The following HOXB6 variants were observed in gnomAD, a reference collection of about 807,000 sequenced individuals.
HOXB6 encodes the protein homeobox protein Hox-B6.
A neutral mutation model predicts 24.2 loss-of-function variants in HOXB6; 18 were observed. That is an observed-to-expected ratio of 0.74 (90% CI 0.51 to 1.10). The LOEUF (loss-of-function observed/expected upper bound fraction) is 1.10. Among genes scored for constraint, HOXB6 ranks in the 50% least tolerant of loss-of-function variants. The pLI is 0.00. For synonymous variants in HOXB6, 159 were observed against 139.1 expected, an observed-to-expected ratio of 1.14 and a Z score of -1.01; for missense variants, 332 against 308.3, an observed-to-expected ratio of 1.08 and a Z score of -0.58.
At position 48,604,865 on chromosome 17, in the gene HOXB6, CCT is replaced by C. The variant is rs1051988028; in HGVS notation, c.-220_-219del. 6.6e-6 allele frequency: 1 copy of C among 152,346 alleles called. No homozygotes were observed. The highest frequency in any genetic ancestry group is 2.4e-5 in the African/African-American group (1 of 41,384). 9.4% of individuals were successfully genotyped at this position (152,346 alleles called of 1,614,324 possible). On this transcript the variant is annotated 5_prime_UTR_variant, in exon 1 of 4. Coordinates refer to ENST00000225648, the MANE Select transcript of HOXB6 (RefSeq NM_018952.5). The stretch of plus-strand genomic sequence containing the variant: ...GCTCTCTCTCTTTTCTCCTCACCCC[CCT>C]CTCTCGTCCTCTCTCTCTTTTGCTC...
chr17:48,595,997 T>C lies in HOXB6; in HGVS notation c.*416A>G. The C allele has an allele frequency of 2.2e-6, 1 of 460,862 alleles. No individual in the cohort carries two copies. The highest frequency in any genetic ancestry group is 4.3e-6 in the Non-Finnish European group (1 of 230,228). 28.5% of individuals were successfully genotyped at this position (460,862 alleles called of 1,614,324 possible). A position where few individuals can be genotyped will look rare whatever the true frequency, so the allele number is the denominator to read the frequency against. On this transcript the variant is annotated 3_prime_UTR_variant, in exon 4 of 4. Transcript: ENST00000225648. ...GGTGGGAGAGACGACAGGTCTGGGA[T>C]CAGGGAGTCTTCAAGGCCCCCGCTG... is the stretch of plus-strand genomic sequence containing the variant.
At chr17:48,601,216 G>C (rs1237826693) in intron 2 of HOXB6, among the ~76,000 whole-genome samples, 7 of 152,014 alleles carry the variant, frequency 4.6e-5, no homozygotes, top group Admixed American at 1.3e-4. Flanking sequence ...TCTGGGTTTG[G>C]GGAACATAAA....
intron 2 of HOXB6, chr17:48,602,523 G>A: frequency 4.1e-6 from 1 of 242,368 alleles, no homozygotes; most frequent in South Asian, 4.8e-5. Flanking sequence ...CGCCAGGTTT[G>A]GGGCTAGGAT....
chr17:48,596,767 G>A lies in HOXB6; in HGVS notation c.416-95C>T. 1.3e-6 allele frequency: 2 copies of A among 1,556,298 alleles called. No individual in the cohort carries two copies. The highest frequency in any genetic ancestry group is 1.4e-5 in the African/African-American group (1 of 73,984). On this transcript the variant is annotated intron_variant, in intron 3 of 3. Coordinates refer to ENST00000225648, the MANE Select transcript of HOXB6 (RefSeq NM_018952.5). The surrounding 1 kb of genome is among the most constrained non-coding windows in gnomAD (Gnocchi z 4.8). ...TCGAACACAGACTCCAGCCAGTACC[G>A]GGATGCCCTCTATTCTGCCGGCTCC... is the stretch of plus-strand genomic sequence containing the variant.
Position 48,596,659 on chromosome 17 carries a change from C to T in HOXB6, c.429G>A (p.Gly143=). 1 of 1,613,212 alleles carries T rather than the reference C, an allele frequency of 6.2e-7. No individual in the cohort carries two copies. Among genetic ancestry groups the T allele is most frequent in the Non-Finnish European group, 8.5e-7 (1 of 1,180,026 alleles). The change falls in exon 4 of 4, where the codon GGG becomes GGA. Residue 143 remains glycine, a synonymous_variant. Transcript: ENST00000225648. The surrounding 1 kb of genome is among the most constrained non-coding windows in gnomAD (Gnocchi z 4.8). ...RMNSCNSSSF[G]PSGRRGRQTY... is the part of the protein sequence containing the mutation. ...TCTGGCGGCCTCGCCGGCCGCTGGGCCCAAAGGAGGAACCTGTTACGCAGA... is the reference window on the plus strand; with the variant it reads ...TCTGGCGGCCTCGCCGGCCGCTGGGTCCAAAGGAGGAACCTGTTACGCAGA...
rs9221 is a variant in HOXB6 at position 48,598,451 on chromosome 17, C to T, written c.-78-223G>A. ...TTCTCCTTCGCCTTTCTCCTCTCTC[C>T]CCCCAACAACACAACGCGTCCTGTT... On this transcript the variant is annotated intron_variant, in intron 2 of 3. Coordinates refer to ENST00000225648, the MANE Select transcript of HOXB6 (RefSeq NM_018952.5). Among the ~76,000 whole-genome samples the T allele has an allele frequency of 0.87, 131,590 of 151,438 alleles. 57,480 individuals are homozygous for T. The highest frequency in any genetic ancestry group is 0.91 in the Non-Finnish European group (61,919 of 67,854).
In HOXB6 at chr17:48,596,710, C is replaced by G; in HGVS notation, c.416-38G>C. The G allele has an allele frequency of 1.2e-6, 2 of 1,605,948 alleles. No homozygotes were observed. The highest frequency in any genetic ancestry group is 2.2e-5 in the South Asian group (2 of 91,038). On this transcript the variant is annotated intron_variant, in intron 3 of 3. Transcript: ENST00000225648. The surrounding 1 kb of genome is among the most constrained non-coding windows in gnomAD (Gnocchi z 4.8). ...GTGGAGATGCTGAGGCCTGCGGTCA[C>G]CGGGCCCAGGACCCCCTCCCCTAGT... is the stretch of plus-strand genomic sequence containing the variant.
chr17:48,602,763 G>A (rs1288678415), intron 2 of HOXB6, among the ~76,000 whole-genome samples: 1 of 152,234 alleles, frequency 6.6e-6, no homozygotes, highest in Non-Finnish European at 1.5e-5. Flanking sequence ...ACGGTAGATG[G>A]CAGCAGACCG....
At chr17:48,602,900 T>C (rs1186523757) in intron 2 of HOXB6, among the ~76,000 whole-genome samples, 1 of 152,206 alleles carries the variant, frequency 6.6e-6, no homozygotes, top group Non-Finnish European at 1.5e-5. Context: ...CCGAGTGCCG[T>C]GGGTGCTGGC....
rs773033635 is a variant in HOXB6, at chr17:48,597,864, T to C, written c.287A>G (p.Gln96Arg). 3 of 1,594,680 alleles carry C rather than the reference T, an allele frequency of 1.9e-6. No individual in the cohort carries two copies. The highest frequency in any genetic ancestry group is 2.6e-6 in the Non-Finnish European group (3 of 1,169,774). The change falls in exon 3 of 4, where the codon CAG becomes CGG. Residue 96 changes from glutamine (Q) to arginine (R), a missense_variant. By Grantham distance (43) the Gln-to-Arg change is conservative. Coordinates refer to ENST00000225648, the MANE Select transcript of HOXB6 (RefSeq NM_018952.5). ...CCGCGGCTCGGGGTGGAACGGGGGCTGCTCGTCGGCGCCGGAGAGTGCGCA... is the reference window on the plus strand; with the variant it reads ...CCGCGGCTCGGGGTGGAACGGGGGCCGCTCGTCGGCGCCGGAGAGTGCGCA... ...SACALSGADE[Q>R]PPFHPEPRKS...
chr17:48,596,327 C>A lies in HOXB6; in HGVS notation c.*86G>T. On this transcript the variant is annotated 3_prime_UTR_variant, in exon 4 of 4. Transcript: ENST00000225648. The surrounding 1 kb of genome is among the most constrained non-coding windows in gnomAD (Gnocchi z 4.8). ...GAGCAGGTCTCCTGGCTCCCCCACC[C>A]GAGAGCCTTCCTTCCCGGGTCTCTC... 6.3e-7 allele frequency: 1 copy of A among 1,592,498 alleles called. No individual in the cohort carries two copies.
At position 48,596,298 on chromosome 17, in the gene HOXB6, CGGAGA is replaced by C; in HGVS notation, c.*110_*114del. 3 of 1,509,736 alleles carry C rather than the reference CGGAGA, an allele frequency of 2.0e-6. No individual in the cohort carries two copies. The South Asian group carries it at 3.4e-5, about 17-fold the overall frequency. The allele number at this position is 1,509,736 out of a possible 1,614,324, so 93.5% of individuals were successfully genotyped here. ...AGCGCTGGGCCCCGCCTGTCTGCGC[CGGAGA>C]GCAGGTCTCCTGGCTCCCCCACCCG... On this transcript the variant is annotated 3_prime_UTR_variant, in exon 4 of 4. Coordinates refer to ENST00000225648, the MANE Select transcript of HOXB6 (RefSeq NM_018952.5). This position sits in a 1 kb window ranked among gnomAD's most constrained non-coding sequence, Gnocchi z 4.8.
At chr17:48,601,884 C>T in intron 2 of HOXB6, 1 of 285,120 alleles carries the variant, frequency 3.5e-6, no homozygotes, top group Non-Finnish European at 7.0e-6. Context: ...TAATCAGTAA[C>T]CCGTGAGACA....
At chr17:48,600,734 C>T (rs2070440760) in intron 2 of HOXB6, among the ~76,000 whole-genome samples, 1 of 152,134 alleles carries the variant, frequency 6.6e-6, no homozygotes, top group Admixed American at 6.5e-5. Flanking sequence ...ATCCGCCAGT[C>T]TGGGGTGTCT....
chr17:48,599,983 A>G (rs186607858), intron 2 of HOXB6, among the ~76,000 whole-genome samples: 12 of 152,346 alleles, frequency 7.9e-5, no homozygotes, highest in Admixed American at 5.9e-4. Context: ...AAGGCTCTCT[A>G]AACTCAGGGC....
Position 48,596,498 on chromosome 17 carries a change from C to G in HOXB6, c.590G>C (p.Arg197Pro), listed in dbSNP as rs2070298056. ...ERQIKIWFQNRRMKWKKESKL... is the reference protein window; with the variant it reads ...ERQIKIWFQNPRMKWKKESKL... ...GCTCTCCTTTTTCCACTTCATGCGTCGGTTCTGGAACCATATCTTGATCTG... is the reference window on the plus strand; with the variant it reads ...GCTCTCCTTTTTCCACTTCATGCGTGGGTTCTGGAACCATATCTTGATCTG... Residue 197 changes from arginine (R) to proline (P), a missense_variant, in exon 4 of 4, where the codon CGA (arginine) becomes CCA (proline). Arg to Pro is a moderately radical substitution (Grantham distance 103). Transcript: ENST00000225648. This position sits in a 1 kb window ranked among gnomAD's most constrained non-coding sequence, Gnocchi z 4.8. 6.2e-7 allele frequency: 1 copy of G among 1,614,270 alleles called. No homozygotes were observed. The highest frequency in any genetic ancestry group is 8.5e-7 in the Non-Finnish European group (1 of 1,180,054).
At position 48,598,157 on chromosome 17, in the gene HOXB6, G is replaced by C. The variant is rs1567973915; in HGVS notation, c.-7C>G. 1 of 1,569,128 alleles carries C rather than the reference G, an allele frequency of 6.4e-7. No homozygotes were observed. On this transcript the variant is annotated 5_prime_UTR_variant, in exon 3 of 4. Transcript: ENST00000225648. ...TCACGAAATAGGAACTCATTGGGAGGGGAGGCGCGCGCGGCCGCTGCTGCT... is the reference window on the plus strand; with the variant it reads ...TCACGAAATAGGAACTCATTGGGAGCGGAGGCGCGCGCGGCCGCTGCTGCT...
intron 2 of HOXB6, among the ~76,000 whole-genome samples, chr17:48,601,142 A>C (rs2070452939): frequency 1.3e-5 from 2 of 148,150 alleles, no homozygotes; most frequent in African/African-American, 5.3e-5. Context: ...ACCACCCCCA[A>C]CTTTGGCTGG....
chr17:48,599,946 A>G (rs2070418171), intron 2 of HOXB6, among the ~76,000 whole-genome samples: 1 of 152,134 alleles, frequency 6.6e-6, no homozygotes, highest in Admixed American at 6.5e-5. Context: ...CAAGGGTGGG[A>G]ACTTATTTGG....
Sources: allele counts gnomAD v4.1 joint callset (sites outside exome capture counted in the v4.1 genomes callset), GRCh38; gene constraint gnomAD v4.1.1; non-coding constraint Gnocchi (gnomAD v3.1); transcripts MANE v1.5; gene names NCBI Gene and HGNC (gene_info 2026-07-23, HGNC 2026-07-21).